The following TENM1 variants were observed in gnomAD, a reference collection of about 807,000 sequenced individuals.
The protein encoded by TENM1 is teneurin-1.
In TENM1, 35 loss-of-function variants were observed where a neutral mutation model predicts 174.8. The ratio of observed to expected loss-of-function variants is 0.20; its 90% CI spans 0.15 to 0.27. The LOEUF is 0.27. Ranked by LOEUF, TENM1 falls within the 10% of genes least tolerant of loss-of-function variation. The pLI, the probability that TENM1 is intolerant of heterozygous loss-of-function variation, is 1.00. For synonymous variants in TENM1, 781 were observed against 798.7 expected (o/e 0.98, Z 0.37); for missense variants, 1,633 against 2,130.1 (o/e 0.77, Z 4.59).
chrX:124,914,754 T>C (rs2057894321), intron 1 of TENM1, among the ~76,000 whole-genome samples: 1 of 111,757 alleles, frequency 8.9e-6, no homozygotes, highest in Non-Finnish European at 1.9e-5. Context: ...ATGACTGCAA[T>C]GACCTAACTG....
At chrX:124,725,414 T>G (rs943502724) in intron 4 of TENM1, among the ~76,000 whole-genome samples, 8 of 112,119 alleles carry the variant, frequency 7.1e-5, no homozygotes, top group Non-Finnish European at 1.3e-4. Flanking sequence ...TGAACTGTTT[T>G]TCATTTAAAG....
At chrX:124,831,681 TC>T (rs1272245862) in intron 3 of TENM1, among the ~76,000 whole-genome samples, 2 of 111,962 alleles carry the variant, frequency 1.8e-5, no homozygotes, top group African/African-American at 6.5e-5. Flanking sequence ...AAAGTTGACA[TC>T]CTGAGAACTA....
intron 9 of TENM1, among the ~76,000 whole-genome samples, chrX:124,646,214 A>G (rs931373304): frequency 1.8e-5 from 2 of 112,368 alleles, no homozygotes; most frequent in African/African-American, 6.5e-5. Context: ...TTGACTTCTG[A>G]CTTTCCAGTC....
intron 23 of TENM1, among the ~76,000 whole-genome samples, chrX:124,452,874 G>T (rs866482876): frequency 1.5e-5 from 1 of 65,352 alleles, no homozygotes. Flanking sequence ...GGTGGGGGGA[G>T]GGGGGAGGGA....
intron 3 of TENM1, among the ~76,000 whole-genome samples, chrX:124,809,773 G>T (rs2055708994): frequency 9.2e-6 from 1 of 108,185 alleles, no homozygotes; most frequent in Admixed American, 1.0e-4. Context: ...GCATGGCTGG[G>T]ATGGCCTCAA....
chrX:124,383,953 A>G (rs141675850), exon 30 of TENM1: 28 of 1,208,824 alleles, frequency 2.3e-5, no homozygotes, highest in Non-Finnish European at 3.1e-5. Context: ...GGGTACCTGT[A>G]TTATCACAGG....
chrX:124,463,925 T>G (rs12388647), intron 22 of TENM1, among the ~76,000 whole-genome samples: 1,092 of 107,434 alleles, frequency 0.01, 18 homozygotes, highest in African/African-American at 0.034. Flanking sequence ...CTAGTTCAAG[T>G]TGAAATGCAC....
At chrX:124,886,548 T>TAGAGAG (rs57122660) in intron 3 of TENM1, among the ~76,000 whole-genome samples, 122 of 59,974 alleles carry the variant, frequency 2.0e-3, no homozygotes, top group African/African-American at 2.6e-3. Context: ...TATATATATA[T>TAGAGAG]AGAGAGAGAG....
At chrX:125,193,432 G>A in the TENM1 span, among the ~76,000 whole-genome samples, 1 of 111,694 alleles carries the variant, frequency 9.0e-6, no homozygotes, top group Non-Finnish European at 1.9e-5. Context: ...TGTTGCCCAG[G>A]CTGGACTCAA....
chrX:124,399,845 G>A (rs762511955), intron 27 of TENM1, among the ~76,000 whole-genome samples: 6 of 111,508 alleles, frequency 5.4e-5, no homozygotes, highest in Admixed American at 9.5e-5. Context: ...GGTGGCATGC[G>A]CCTGTAGTCC....
the TENM1 span, among the ~76,000 whole-genome samples, chrX:125,107,782 G>A: frequency 8.9e-6 from 1 of 111,851 alleles, no homozygotes. Flanking sequence ...ACACTAGGAA[G>A]CTTATGCTAT....
chrX:125,045,939 G>A, the TENM1 span, among the ~76,000 whole-genome samples: 4 of 111,742 alleles, frequency 3.6e-5, no homozygotes, highest in South Asian at 1.5e-3. Flanking sequence ...ACAAACACTA[G>A]AAACATATTC....
intron 1 of TENM1, among the ~76,000 whole-genome samples, chrX:124,929,646 C>T (rs2058140719): frequency 1.8e-5 from 2 of 111,880 alleles, no homozygotes; most frequent in Non-Finnish European, 3.8e-5. Context: ...TACAGCTAAA[C>T]CATGTGCTAA....
Position 124,391,974 on chromosome X carries a change from C to T in TENM1, c.5688+78G>A, listed in dbSNP as rs2060286553. The T allele has an allele frequency of 3.4e-6, 3 of 889,680 alleles. No homozygotes were observed. The Admixed American group carries it at 8.6e-5, about 25-fold the overall frequency. The allele number at this position is 889,680 out of a possible 1,213,427, so 73.3% of individuals were successfully genotyped here. On this transcript the variant is annotated intron_variant, in intron 28 of 31. Coordinates refer to ENST00000422452, the Ensembl canonical transcript of TENM1. ...CAGACTTTTCTCCTGCAGGTCCTCA[C>T]CAAGATGGACAATTAGGGCCATTTT...
chrX:124,989,684 C>A, the TENM1 span, among the ~76,000 whole-genome samples: 1 of 107,584 alleles, frequency 9.3e-6, no homozygotes, highest in African/African-American at 3.4e-5. Flanking sequence ...TCAGTGAAAC[C>A]AAATGGAAGC....
At chrX:124,615,405 G>T (rs920260254) in intron 11 of TENM1, among the ~76,000 whole-genome samples, 1 of 111,840 alleles carries the variant, frequency 8.9e-6, no homozygotes, top group African/African-American at 3.3e-5. Flanking sequence ...GGAAATTTGA[G>T]CAAATCACTT....
intron 23 of TENM1, among the ~76,000 whole-genome samples, chrX:124,443,374 G>A (rs2060931430): frequency 2.7e-5 from 3 of 111,117 alleles, no homozygotes; most frequent in Non-Finnish European, 5.7e-5. Flanking sequence ...TCTCTGTTAA[G>A]GAGAATGACG....
At chrX:124,567,948 T>C (rs1370691674) in intron 11 of TENM1, among the ~76,000 whole-genome samples, 1 of 112,039 alleles carries the variant, frequency 8.9e-6, no homozygotes, top group East Asian at 2.8e-4. Flanking sequence ...ATATATTGCT[T>C]TGTACAACTA....
chrX:124,453,376 T>C, exon 23 of TENM1: 1 of 1,210,839 alleles, frequency 8.3e-7, no homozygotes, highest in Non-Finnish European at 1.1e-6. Flanking sequence ...TCAGTGGTTG[T>C]GTGGAAGTCA....
Sources: gnomAD v4.1 joint callset for allele counts (sites outside exome capture counted in the v4.1 genomes callset) on GRCh38, gnomAD v4.1.1 for gene constraint, MANE v1.5 for transcripts, NCBI Gene and HGNC (gene_info 2026-07-23, HGNC 2026-07-21) for gene names.